The following SLC35F1 variants were observed in gnomAD, a reference collection of about 807,000 sequenced individuals.
SLC35F1 encodes the protein chromosome 6 open reading frame 169.
In SLC35F1, 14 loss-of-function variants were observed where a neutral mutation model predicts 48.7. That is an observed-to-expected ratio of 0.29 (90% CI 0.19 to 0.45). SLC35F1 has a LOEUF of 0.45. Among genes scored for constraint, SLC35F1 ranks in the 20% least tolerant of loss-of-function variants. The pLI, the probability that SLC35F1 is intolerant of heterozygous loss-of-function variation, is 1.00. For missense variants in SLC35F1, 404 were observed against 500.0 expected, an observed-to-expected ratio of 0.81 and a Z score of 1.83; for synonymous variants, 190 against 202.2, an observed-to-expected ratio of 0.94 and a Z score of 0.51.
intron 1 of SLC35F1, among the ~76,000 whole-genome samples, chr6:117,972,553 A>G (rs1192576882): frequency 6.6e-6 from 1 of 152,240 alleles, no homozygotes; most frequent in Admixed American, 6.5e-5. Flanking sequence ...TCACAGTTCC[A>G]CATAGCTAGG....
At chr6:118,099,533 C>T (rs1411825906) in intron 1 of SLC35F1, among the ~76,000 whole-genome samples, 7 of 151,596 alleles carry the variant, frequency 4.6e-5, no homozygotes, top group Admixed American at 4.6e-4. Flanking sequence ...CCCTCCTGTT[C>T]CCCCCAAGAA....
At chr6:117,966,593 A>T (rs1776574347) in intron 1 of SLC35F1, among the ~76,000 whole-genome samples, 1 of 152,190 alleles carries the variant, frequency 6.6e-6, no homozygotes, top group Non-Finnish European at 1.5e-5. Context: ...ACTCACCACG[A>T]GGGTCCGTGG....
chr6:118,114,202 T>C (rs942336808), intron 1 of SLC35F1, among the ~76,000 whole-genome samples: 1 of 152,186 alleles, frequency 6.6e-6, no homozygotes, highest in East Asian at 1.9e-4. Flanking sequence ...CTAGGCTGTG[T>C]TGGACTCCAG....
chr6:118,056,509 G>C (rs1772465727), intron 1 of SLC35F1, among the ~76,000 whole-genome samples: 1 of 152,090 alleles, frequency 6.6e-6, no homozygotes, highest in South Asian at 2.1e-4. Flanking sequence ...TTTATATTCT[G>C]GATAGTGCTT....
intron 7 of SLC35F1, among the ~76,000 whole-genome samples, chr6:118,297,661 T>TATAA (rs1776206434): frequency 7.6e-6 from 1 of 130,970 alleles, no homozygotes; most frequent in Non-Finnish European, 1.6e-5. Flanking sequence ...ATAATATATA[T>TATAA]AATATTATAT....
rs1774714070 is a variant in SLC35F1, at chr6:118,190,245, T to G, written c.349+35625T>G. Reference sequence around the variant, plus strand: ...TTGCAAAGGTAGGAACAAGGGTTCCTCCTTATACTGGAACATCCTGTTTAC... The same window carrying G: ...TTGCAAAGGTAGGAACAAGGGTTCCGCCTTATACTGGAACATCCTGTTTAC... On this transcript the variant is annotated intron_variant, in intron 2 of 7. Coordinates refer to ENST00000360388, the MANE Select transcript of SLC35F1 (RefSeq NM_001029858.4). Among the ~76,000 whole-genome samples, 2 of 152,172 alleles carry G rather than the reference T, an allele frequency of 1.3e-5. 1 individual carries two copies. Among genetic ancestry groups the G allele is most frequent in the South Asian group, 4.1e-4 (2 of 4,828 alleles).
rs539343718 is a variant in SLC35F1 at position 118,126,791 on chromosome 6, T to C, written c.174-27654T>C. On this transcript the variant is annotated intron_variant, in intron 1 of 7. Coordinates refer to ENST00000360388, the MANE Select transcript of SLC35F1 (RefSeq NM_001029858.4). The stretch of plus-strand genomic sequence containing the variant: ...GATTTGGCTCTCTGTTTGTCTGTTA[T>C]TGGTGTATAAGAATGCCTGTGATTT... Among the ~76,000 whole-genome samples, 991 of 151,836 alleles carry C rather than the reference T, an allele frequency of 6.5e-3. 15 individuals carry two copies. Among genetic ancestry groups the C allele is most frequent in the African/African-American group, 0.023 (942 of 41,470 alleles).
At chr6:118,285,049 A>T in intron 6 of SLC35F1, 135 bp from the exon 7 acceptor site, 1 of 838,688 alleles carries the variant, frequency 1.2e-6, no homozygotes, top group Non-Finnish European at 1.9e-6. Context: ...AATAAACATC[A>T]GTGAATAGGG....
At chr6:117,909,859 G>C (rs1309040530) in intron 1 of SLC35F1, among the ~76,000 whole-genome samples, 1 of 152,148 alleles carries the variant, frequency 6.6e-6, no homozygotes, top group East Asian at 1.9e-4. Context: ...CCAGTGTATA[G>C]AGGAGGAACT....
At position 118,127,840 on chromosome 6, in the gene SLC35F1, C is replaced by A. The variant is rs1051596720; in HGVS notation, c.174-26605C>A. Among the ~76,000 whole-genome samples, 9 of 150,698 alleles carry A rather than the reference C, an allele frequency of 6.0e-5. No individual in the cohort carries two copies. In the East Asian group the frequency reaches 7.8e-4, roughly 13 times the overall value. On this transcript the variant is annotated intron_variant, in intron 1 of 7. Transcript: ENST00000360388. ...CTAATTAAACTAAAGAGCTTCTGCA[C>A]AGCAAAAGAAACTACCATCAGAGTG...
chr6:118,274,465 C>T (rs1051431525), intron 4 of SLC35F1, among the ~76,000 whole-genome samples: 3 of 152,196 alleles, frequency 2.0e-5, no homozygotes, highest in South Asian at 2.1e-4. Flanking sequence ...GGCATGATCT[C>T]GGCTCACTGA....
At chr6:118,148,689 C>T (rs1474946709) in intron 1 of SLC35F1, among the ~76,000 whole-genome samples, 3 of 152,160 alleles carry the variant, frequency 2.0e-5, no homozygotes, top group Non-Finnish European at 4.4e-5. Flanking sequence ...ATTATAGGAA[C>T]TATGTTTCTT....
chr6:118,072,982 C>A (rs9374710), intron 1 of SLC35F1, among the ~76,000 whole-genome samples: 46,329 of 151,998 alleles, frequency 0.3, 7,556 homozygotes, highest in East Asian at 0.48. Flanking sequence ...AATCCTCTGA[C>A]TTGTTATAAT....
At chr6:118,066,731 G>C (rs1377766438) in intron 1 of SLC35F1, among the ~76,000 whole-genome samples, 3 of 150,880 alleles carry the variant, frequency 2.0e-5, no homozygotes, top group African/African-American at 7.3e-5. Context: ...CTTATCTAAG[G>C]CAGTAGTTCT....
At chr6:118,119,607 G>T (rs796544201) in intron 1 of SLC35F1, among the ~76,000 whole-genome samples, 10 of 149,862 alleles carry the variant, frequency 6.7e-5, no homozygotes, top group African/African-American at 2.5e-4. Flanking sequence ...GGGTTCAAGC[G>T]ATTCTCCTGC....
At chr6:117,908,478 C>T (rs554094421) in intron 1 of SLC35F1, among the ~76,000 whole-genome samples, 1 of 152,294 alleles carries the variant, frequency 6.6e-6, no homozygotes, top group African/African-American at 2.4e-5. Context: ...CTGGGAGCAG[C>T]GAAGAGAGGG....
At position 118,243,766 on chromosome 6, in the gene SLC35F1, C is replaced by T. The variant is rs548650526; in HGVS notation, c.477+8130C>T. On this transcript the variant is annotated intron_variant, in intron 3 of 7. Coordinates refer to ENST00000360388, the MANE Select transcript of SLC35F1 (RefSeq NM_001029858.4). ...AAAGCTTGCCTATTTACATTAGAAACGGGTCCCAGGAGCTAGGGTTTATGA... is the reference window on the plus strand; with the variant it reads ...AAAGCTTGCCTATTTACATTAGAAATGGGTCCCAGGAGCTAGGGTTTATGA... 1.9e-4 allele frequency among the ~76,000 whole-genome samples: 29 copies of T among 152,254 alleles called. No individual in the cohort carries two copies. In the South Asian group the frequency reaches 5.0e-3, roughly 26 times the overall value.
At chr6:118,068,115 T>A (rs939619993) in intron 1 of SLC35F1, among the ~76,000 whole-genome samples, 1 of 152,078 alleles carries the variant, frequency 6.6e-6, no homozygotes, top group Non-Finnish European at 1.5e-5. Context: ...TGAATTCACC[T>A]TTTTCCTGCC....
At chr6:118,007,436 G>A (rs868725533) in intron 1 of SLC35F1, among the ~76,000 whole-genome samples, 2 of 152,134 alleles carry the variant, frequency 1.3e-5, no homozygotes, top group African/African-American at 4.8e-5. Context: ...AGGGCATGTG[G>A]TCTTCCACCA....
Sources: allele counts gnomAD v4.1 joint callset (sites outside exome capture counted in the v4.1 genomes callset), GRCh38; gene constraint gnomAD v4.1.1; transcripts MANE v1.5; gene names NCBI Gene and HGNC (gene_info 2026-07-23, HGNC 2026-07-21).